OLA1: variants seen among roughly 807,000 people sequenced by gnomAD.
The protein encoded by OLA1 is obg-like ATPase 1.
Under a neutral mutation model 48.4 loss-of-function variants are expected in OLA1, and 14 were observed. The observed-to-expected ratio is 0.29, with a 90% CI of 0.19 to 0.45. The LOEUF is 0.45. Among genes scored for constraint, OLA1 ranks in the 20% least tolerant of loss-of-function variants. The pLI is 1.00. For synonymous variants in OLA1, 127 were observed against 150.4 expected (o/e 0.84, Z 1.14); for missense variants, 325 against 467.1 (o/e 0.70, Z 2.80).
intron 10 of OLA1, among the ~76,000 whole-genome samples, chr2:174,076,637 T>C (rs1684743911): frequency 6.6e-6 from 1 of 152,082 alleles, no homozygotes; most frequent in African/African-American, 2.4e-5. Flanking sequence ...TTTTCAATTA[T>C]CTAGACCACA....
At chr2:174,203,780 G>A (rs550998126) in intron 4 of OLA1, among the ~76,000 whole-genome samples, 1 of 149,152 alleles carries the variant, frequency 6.7e-6, no homozygotes, top group South Asian at 2.1e-4. Context: ...TATATTTACA[G>A]TTGGTTAAAC....
chr2:174,159,686 G>A (rs898771418), intron 4 of OLA1, among the ~76,000 whole-genome samples: 19 of 151,990 alleles, frequency 1.3e-4, no homozygotes, highest in Non-Finnish European at 5.9e-5. Flanking sequence ...AAAATGGGGA[G>A]TATTACAATT....
chr2:174,179,318 C>T (rs1459439376), intron 4 of OLA1, among the ~76,000 whole-genome samples: 13 of 151,616 alleles, frequency 8.6e-5, no homozygotes, highest in Admixed American at 7.9e-4. Context: ...TAAATAGAAA[C>T]GTCTCAAAAT....
chr2:174,207,934 T>C (rs1244995969), intron 4 of OLA1, among the ~76,000 whole-genome samples: 1 of 152,168 alleles, frequency 6.6e-6, no homozygotes, highest in African/African-American at 2.4e-5. Flanking sequence ...AAATACAGTA[T>C]TGGCCCAATG....
intron 4 of OLA1, among the ~76,000 whole-genome samples, chr2:174,221,522 C>T (rs1258600027): frequency 6.6e-6 from 1 of 152,122 alleles, no homozygotes; most frequent in Non-Finnish European, 1.5e-5. Flanking sequence ...TTCACTCCCA[C>T]TCTATTTTAA....
In OLA1 at chr2:174,119,707, A is replaced by G. The variant is rs1249370226; in HGVS notation, c.728+3473T>C. ...TGAACACATAAAGATGGGAAAGGGG[A>G]AGGAACTGAATCATGGTATAATAAG... On this transcript the variant is annotated intron_variant, in intron 7 of 10. Transcript: ENST00000284719. Among the ~76,000 whole-genome samples, 61 of 152,244 alleles carry G rather than the reference A, an allele frequency of 4.0e-4. 2 individuals are homozygous for G. The highest frequency in any genetic ancestry group is 3.9e-3 in the Admixed American group (60 of 15,288).
rs1333397943 is a variant in OLA1, at chr2:174,130,671, T to C, written c.550-6996A>G. On this transcript the variant is annotated intron_variant, in intron 5 of 10. Transcript: ENST00000284719. Reference sequence around the variant, plus strand: ...CCATGTTTGAGGAAGGGTCTGGAAGTTGTGGGGAAGCCAACAAATCTGATT... The same window carrying C: ...CCATGTTTGAGGAAGGGTCTGGAAGCTGTGGGGAAGCCAACAAATCTGATT... 4.6e-5 allele frequency among the ~76,000 whole-genome samples: 7 copies of C among 152,132 alleles called. No individual in the cohort carries two copies. In the East Asian group the frequency reaches 1.4e-3, roughly 29 times the overall value.
At chr2:174,185,535 A>G (rs1161329419) in intron 4 of OLA1, among the ~76,000 whole-genome samples, 1 of 152,102 alleles carries the variant, frequency 6.6e-6, no homozygotes, top group Non-Finnish European at 1.5e-5. Flanking sequence ...TATTCAACCT[A>G]TATATTAGTC....
At chr2:174,187,100 T>C (rs992709339) in intron 4 of OLA1, among the ~76,000 whole-genome samples, 3 of 152,174 alleles carry the variant, frequency 2.0e-5, no homozygotes, top group African/African-American at 7.2e-5. Context: ...TTAAAGGGAA[T>C]TGTGAATATT....
At chr2:174,139,567 C>CT (rs1686390434) in intron 5 of OLA1, among the ~76,000 whole-genome samples, 1 of 152,190 alleles carries the variant, frequency 6.6e-6, no homozygotes, top group Non-Finnish European at 1.5e-5. Context: ...GCAAGACTCA[C>CT]TATAGAAGGT....
At chr2:174,075,582 G>A (rs1464498492) in intron 10 of OLA1, 55 bp from the exon 11 acceptor site, 3 of 1,044,196 alleles carry the variant, frequency 2.9e-6, no homozygotes, top group South Asian at 2.7e-5. Flanking sequence ...TAAATACATG[G>A]GGTAAATGGT....
intron 2 of OLA1, among the ~76,000 whole-genome samples, chr2:174,243,725 A>T (rs1289627560): frequency 9.2e-5 from 14 of 152,218 alleles, no homozygotes; most frequent in Admixed American, 8.5e-4. Context: ...AAGTACTCAA[A>T]ATAGCGATTG....
chr2:174,146,836 C>T (rs1686612127), intron 4 of OLA1, among the ~76,000 whole-genome samples: 1 of 152,130 alleles, frequency 6.6e-6, no homozygotes, highest in Non-Finnish European at 1.5e-5. Context: ...AGAACATTTC[C>T]TCTTTCTATA....
chr2:174,210,525 T>C (rs998659526), intron 4 of OLA1, among the ~76,000 whole-genome samples: 4 of 152,162 alleles, frequency 2.6e-5, no homozygotes, highest in African/African-American at 9.7e-5. Flanking sequence ...AAACCAAAAC[T>C]GTCTACTCAT....
intron 4 of OLA1, among the ~76,000 whole-genome samples, chr2:174,176,867 C>T (rs1687433390): frequency 6.6e-6 from 1 of 152,106 alleles, no homozygotes; most frequent in South Asian, 2.1e-4. Context: ...AAAAGATTCC[C>T]TCAATAAAGC....
rs750718619 is a variant in OLA1, at chr2:174,103,950, G to A, written c.728+19230C>T. Among the ~76,000 whole-genome samples the A allele has an allele frequency of 2.7e-3, 418 of 152,204 alleles. 1 individual carries two copies. The highest frequency in any genetic ancestry group is 4.6e-3 in the Admixed American group (71 of 15,272). On this transcript the variant is annotated intron_variant, in intron 7 of 10. Transcript: ENST00000284719. ...AGCACAGAGTCATCCATCGTAGGGGGAAGTGGTATGGGTAAAGCAGACCAT... is the reference window on the plus strand; with the variant it reads ...AGCACAGAGTCATCCATCGTAGGGGAAAGTGGTATGGGTAAAGCAGACCAT...
chr2:174,221,387 C>T (rs9332424), intron 4 of OLA1, among the ~76,000 whole-genome samples: 75,085 of 151,916 alleles, frequency 0.49, 19,336 homozygotes, highest in East Asian at 0.99. Context: ...TTGCTCCAGC[C>T]TGGAAAATTT....
chr2:174,216,704 C>T (rs1165549597), intron 4 of OLA1, among the ~76,000 whole-genome samples: 4 of 152,004 alleles, frequency 2.6e-5, no homozygotes, highest in Admixed American at 1.3e-4. Context: ...AGGTGCACGC[C>T]ACAATGCTGG....
intron 4 of OLA1, among the ~76,000 whole-genome samples, chr2:174,166,585 A>C (rs1324505520): frequency 6.6e-6 from 1 of 152,210 alleles, no homozygotes; most frequent in African/African-American, 2.4e-5. Flanking sequence ...GATTTCCTAG[A>C]AGAAAGTCAT....
Sources: gnomAD v4.1 joint callset for allele counts (sites outside exome capture counted in the v4.1 genomes callset) on GRCh38, gnomAD v4.1.1 for gene constraint, MANE v1.5 for transcripts, NCBI Gene and HGNC (gene_info 2026-07-23, HGNC 2026-07-21) for gene names.